Variants in RTL4 observed in about 807,000 individuals in gnomAD.
RTL4 encodes retrotransposon Gag-like protein 4.
A neutral mutation model predicts 5.3 loss-of-function variants in RTL4; 4 were observed. The ratio of observed to expected loss-of-function variants is 0.75; its 90% CI spans 0.37 to 1.72. The LOEUF (loss-of-function observed/expected upper bound fraction) is 1.72. Among genes scored for constraint, RTL4 ranks in the 40% most tolerant of loss-of-function variants. The probability of loss-of-function intolerance (pLI) is 0.04; values close to 1 mark genes in which losing one functional copy is unlikely to be tolerated. For synonymous variants in RTL4, 98 were observed against 87.3 expected (o/e 1.12, Z -0.68); for missense variants, 260 against 227.1 (o/e 1.14, Z -0.93).
chrX:112,437,834 G>T, the RTL4 span, among the ~76,000 whole-genome samples: 1 of 76,046 alleles, frequency 1.3e-5, no homozygotes, highest in Non-Finnish European at 2.8e-5. Flanking sequence ...TGGTGGTGGT[G>T]GTGGTGGTGG....
the RTL4 span, among the ~76,000 whole-genome samples, chrX:112,192,075 G>GTTTTT: frequency 1.3e-5 from 1 of 78,946 alleles, no homozygotes; most frequent in African/African-American, 4.9e-5. Context: ...AAATACTAGG[G>GTTTTT]TTTTTTTTTT....
chrX:112,454,235 A>G (rs1926792038), upstream of RTL4, among the ~76,000 whole-genome samples: 1 of 112,071 alleles, frequency 8.9e-6, no homozygotes, highest in Non-Finnish European at 1.9e-5. Context: ...GCTTAAAAAA[A>G]CAATCACAAA....
the RTL4 span, among the ~76,000 whole-genome samples, chrX:112,128,921 A>C: frequency 9.0e-6 from 1 of 111,532 alleles, no homozygotes; most frequent in Non-Finnish European, 1.9e-5. Flanking sequence ...CAATAGGAGA[A>C]ATTTATAAAT....
the RTL4 span, among the ~76,000 whole-genome samples, chrX:112,095,247 G>A: frequency 1.8e-5 from 2 of 111,430 alleles, no homozygotes; most frequent in Admixed American, 9.5e-5. Flanking sequence ...TATATTTTCT[G>A]TATAGTAGTA....
At chrX:112,222,483 C>T in the RTL4 span, among the ~76,000 whole-genome samples, 3 of 110,848 alleles carry the variant, frequency 2.7e-5, no homozygotes, top group Admixed American at 9.6e-5. Context: ...CTTGGGAGGG[C>T]TGAGGAGGCT....
At chrX:112,371,818 A>T in the RTL4 span, among the ~76,000 whole-genome samples, 1 of 112,020 alleles carries the variant, frequency 8.9e-6, no homozygotes, top group African/African-American at 3.2e-5. Flanking sequence ...TGAAATATTT[A>T]GATCCTAATT....
At chrX:112,278,051 C>G in the RTL4 span, among the ~76,000 whole-genome samples, 1 of 111,915 alleles carries the variant, frequency 8.9e-6, no homozygotes, top group African/African-American at 3.2e-5. Flanking sequence ...ACTATTTTCT[C>G]TTAAACTCAG....
the RTL4 span, among the ~76,000 whole-genome samples, chrX:112,342,930 T>C: frequency 9.0e-6 from 1 of 111,342 alleles, no homozygotes. Context: ...TGAAACCCCG[T>C]CTCTACTAAG....
At chrX:112,416,084 G>A in the RTL4 span, among the ~76,000 whole-genome samples, 1 of 111,207 alleles carries the variant, frequency 9.0e-6, no homozygotes, top group African/African-American at 3.3e-5. Flanking sequence ...TTGTAACTGC[G>A]TAACTCCAAT....
At chrX:112,249,125 G>A in the RTL4 span, among the ~76,000 whole-genome samples, 15 of 112,139 alleles carry the variant, frequency 1.3e-4, no homozygotes, top group South Asian at 5.5e-3. Context: ...CCCAGTGAGC[G>A]GGATTAGTTA....
the RTL4 span, among the ~76,000 whole-genome samples, chrX:112,266,564 G>C: frequency 9.0e-6 from 1 of 111,431 alleles, no homozygotes; most frequent in African/African-American, 3.3e-5. Flanking sequence ...GAATTCCCCT[G>C]CCAGATAACG....
At chrX:112,403,041 G>C in the RTL4 span, among the ~76,000 whole-genome samples, 16 of 111,702 alleles carry the variant, frequency 1.4e-4, no homozygotes, top group Non-Finnish European at 2.8e-4. Flanking sequence ...ACTTTGCCCT[G>C]TTAAACTCAG....
the RTL4 span, among the ~76,000 whole-genome samples, chrX:112,119,538 T>G: frequency 9.0e-6 from 1 of 111,335 alleles, no homozygotes; most frequent in Non-Finnish European, 1.9e-5. Flanking sequence ...TAGTTAGGCT[T>G]GAATTGGAGT....
At chrX:112,387,413 A>T in the RTL4 span, among the ~76,000 whole-genome samples, 1 of 96,436 alleles carries the variant, frequency 1.0e-5, no homozygotes, top group Admixed American at 1.3e-4. Context: ...AAGACAGATC[A>T]CATCACAGGA....
the RTL4 span, among the ~76,000 whole-genome samples, chrX:112,311,026 G>T: frequency 9.4e-6 from 1 of 106,632 alleles, no homozygotes; most frequent in Non-Finnish European, 1.9e-5. Context: ...GGGGGAACTT[G>T]AGATGAAGTT....
the RTL4 span, among the ~76,000 whole-genome samples, chrX:112,099,892 G>C: frequency 9.0e-6 from 1 of 111,439 alleles, no homozygotes; most frequent in Non-Finnish European, 1.9e-5. Context: ...ATTTGAGGTA[G>C]GATTGACAAG....
At chrX:112,386,018 G>T in the RTL4 span, among the ~76,000 whole-genome samples, 20 of 112,034 alleles carry the variant, frequency 1.8e-4, no homozygotes, top group African/African-American at 6.1e-4. Context: ...ACTTAGAATT[G>T]TTTTAAAGGA....
At chrX:112,309,966 G>C in the RTL4 span, among the ~76,000 whole-genome samples, 1 of 104,041 alleles carries the variant, frequency 9.6e-6, no homozygotes, top group Admixed American at 1.1e-4. Flanking sequence ...GAGGTGGGAG[G>C]ATTGCTTGAG....
At chrX:112,200,262 G>A in the RTL4 span, among the ~76,000 whole-genome samples, 1 of 111,815 alleles carries the variant, frequency 8.9e-6, no homozygotes, top group Non-Finnish European at 1.9e-5. Context: ...AATGTGACAG[G>A]GGGAAAGAGA....
Sources: allele counts gnomAD v4.1 joint callset (sites outside exome capture counted in the v4.1 genomes callset), GRCh38; gene constraint gnomAD v4.1.1; transcripts MANE v1.5; gene names NCBI Gene and HGNC (gene_info 2026-07-23, HGNC 2026-07-21).